Variants in B4GALT1 observed in about 807,000 individuals in gnomAD.
B4GALT1 encodes the protein beta-1,4-galactosyltransferase 1.
A neutral mutation model predicts 34.9 loss-of-function variants in B4GALT1; 16 were observed. That is an observed-to-expected ratio of 0.46 (90% CI 0.31 to 0.70). The LOEUF (loss-of-function observed/expected upper bound fraction) is 0.70. Ranked by LOEUF, B4GALT1 falls within the 30% of genes least tolerant of loss-of-function variation. The pLI is 0.05. For synonymous variants in B4GALT1, 221 were observed against 218.1 expected, an observed-to-expected ratio of 1.01 and a Z score of -0.12; for missense variants, 445 against 530.5, an observed-to-expected ratio of 0.84 and a Z score of 1.58.
At chr9:33,116,953 T>C (rs1839948830) in intron 3 of B4GALT1, among the ~76,000 whole-genome samples, 1 of 152,220 alleles carries the variant, frequency 6.6e-6, no homozygotes, top group South Asian at 2.1e-4. Flanking sequence ...GATCTTCCTC[T>C]TTCTACAACA....
intron 1 of B4GALT1, among the ~76,000 whole-genome samples, chr9:33,143,806 G>C (rs1840386542): frequency 6.6e-6 from 1 of 152,108 alleles, no homozygotes; most frequent in South Asian, 2.1e-4. Context: ...CTCTGAAAAT[G>C]TGTAACATGT....
intron 2 of B4GALT1, among the ~76,000 whole-genome samples, chr9:33,127,035 C>T (rs1280006421): frequency 6.6e-6 from 1 of 152,164 alleles, no homozygotes; most frequent in Admixed American, 6.5e-5. Flanking sequence ...GATCTCGGCT[C>T]ACTGCAAGCT....
intron 2 of B4GALT1, 125 bp downstream of exon 2, chr9:33,135,064 G>A: frequency 2.0e-6 from 2 of 1,006,532 alleles, no homozygotes; most frequent in Non-Finnish European, 3.0e-6. Flanking sequence ...TGGGGGGCTG[G>A]TTCCTCGCTG....
chr9:33,108,994 T>G (rs1277177085), downstream of B4GALT1, among the ~76,000 whole-genome samples: 1 of 152,170 alleles, frequency 6.6e-6, no homozygotes, highest in Admixed American at 6.5e-5. Context: ...CTGACAGAGC[T>G]TCTAATCCCT....
chr9:33,105,298 C>T (rs1197793620), intron 2 of B4GALT1, among the ~76,000 whole-genome samples: 1 of 152,030 alleles, frequency 6.6e-6, no homozygotes, highest in Non-Finnish European at 1.5e-5. Context: ...CACCACCACG[C>T]CTGGCTAATT....
At chr9:33,167,551 C>T (rs900527630), upstream of B4GALT1, among the ~76,000 whole-genome samples, 20 of 152,356 alleles carry the variant, frequency 1.3e-4, no homozygotes, top group African/African-American at 4.8e-4. Context: ...CGACGCTTGG[C>T]CGCGCACCGC....
chr9:33,150,862 T>C (rs906376580), intron 1 of B4GALT1, among the ~76,000 whole-genome samples: 18 of 151,870 alleles, frequency 1.2e-4, no homozygotes, highest in Admixed American at 7.9e-4. Context: ...ACCTGGGAAA[T>C]AGAAGTGGGA....
intron 1 of B4GALT1, among the ~76,000 whole-genome samples, chr9:33,164,442 C>A (rs538926050): frequency 6.6e-6 from 1 of 152,326 alleles, no homozygotes; most frequent in East Asian, 1.9e-4. Flanking sequence ...GACCTCTCGG[C>A]CCCCATTTCT....
Position 33,113,429 on chromosome 9 carries a change from G to A in B4GALT1, c.*25C>T, listed in dbSNP as rs571848514. 6.2e-7 allele frequency: 1 copy of A among 1,614,054 alleles called. No homozygotes were observed. Among genetic ancestry groups the A allele is most frequent in the South Asian group, 1.1e-5 (1 of 91,076 alleles). On this transcript the variant is annotated 3_prime_UTR_variant, in exon 6 of 6. Transcript: ENST00000379731. ...CAGCAGAGGTCCCTGGCTAATTTCA[G>A]GTCTCTTATCCGTGTACCAAAACGC...
Position 33,122,493 on chromosome 9 carries a change from T to A in B4GALT1, c.649-1887A>T, listed in dbSNP as rs540513961. On this transcript the variant is annotated intron_variant, in intron 2 of 5. Coordinates refer to ENST00000379731, the MANE Select transcript of B4GALT1 (RefSeq NM_001497.4). ...CTGCACTCCAGCCTGGGCGGCAGAG[T>A]GAGACCCCCATCTCAAAAAAATAAA... Among the ~76,000 whole-genome samples, 13 of 150,266 alleles carry A rather than the reference T, an allele frequency of 8.7e-5. No homozygotes were observed. In the East Asian group the frequency reaches 2.6e-3, roughly 30 times the overall value.
At chr9:33,174,984 AAAAAAAATATATATATATATATATAT>A in the B4GALT1 span, among the ~76,000 whole-genome samples, 5 of 14,886 alleles carry the variant, frequency 3.4e-4, no homozygotes, top group Admixed American at 2.2e-3. Context: ...AAAAAAAAAA[AAAAAAAATATATATATATATATATAT>A]ATATATATAT....
rs761423873 is a variant in B4GALT1 at position 33,166,983 on chromosome 9, C to G, written c.187G>C (p.Gly63Arg). 1 of 1,587,880 alleles carries G rather than the reference C, an allele frequency of 6.3e-7. No homozygotes were observed. The highest frequency in any genetic ancestry group is 8.5e-7 in the Non-Finnish European group (1 of 1,173,748). Residue 63 changes from glycine (G) to arginine (R), a missense_variant, in exon 1 of 6, where the codon GGC becomes CGC. Gly to Arg is a moderately radical substitution (Grantham distance 125, BLOSUM62 -2). Coordinates refer to ENST00000379731, the MANE Select transcript of B4GALT1 (RefSeq NM_001497.4). ...CCGATGGCGGCGGCACTGTTCGAGC[C>G]GCCCTGCAGCGGTGTGGAGACTCCG... ...LVGVSTPLQG[G>R]SNSAAAIGQS...
At chr9:33,163,906 A>C (rs943235835) in intron 1 of B4GALT1, among the ~76,000 whole-genome samples, 2 of 151,566 alleles carry the variant, frequency 1.3e-5, no homozygotes, top group Admixed American at 1.3e-4. Context: ...TGCATCACTC[A>C]CTCCTGCAAG....
chr9:33,144,809 G>C (rs1840401762), intron 1 of B4GALT1, among the ~76,000 whole-genome samples: 1 of 152,120 alleles, frequency 6.6e-6, no homozygotes, highest in Non-Finnish European at 1.5e-5. Context: ...TTAGAATCTT[G>C]ACGGCAGGGA....
At chr9:33,178,211 C>A in the B4GALT1 span, among the ~76,000 whole-genome samples, 35 of 151,970 alleles carry the variant, frequency 2.3e-4, no homozygotes, top group Non-Finnish European at 3.5e-4. Flanking sequence ...AGGCTGGTCT[C>A]AAACTCCTGG....
chr9:33,166,783 G>A lies in B4GALT1; in HGVS notation c.387C>T (p.Ala129=). 1.3e-6 allele frequency: 2 copies of A among 1,526,070 alleles called. No individual in the cohort carries two copies. Among genetic ancestry groups the A allele is most frequent in the Non-Finnish European group, 1.7e-6 (2 of 1,143,014 alleles). The allele number at this position is 1,526,070 out of a possible 1,614,324, so 94.5% of individuals were successfully genotyped here. ...CAAGCAGCGGGGACTCCTCAGGGCAGGCGGGCAGCGACAGTGCGGTGGTGT... is the reference window on the plus strand; with the variant it reads ...CAAGCAGCGGGGACTCCTCAGGGCAAGCGGGCAGCGACAGTGCGGTGGTGT... The part of the protein sequence containing the change: ...VPHTTALSLP[A]CPEESPLLVG... Residue 129 remains alanine (A), a synonymous_variant, in exon 1 of 6, where the codon GCC becomes GCT. Coordinates refer to ENST00000379731, the MANE Select transcript of B4GALT1 (RefSeq NM_001497.4).
intron 2 of B4GALT1, among the ~76,000 whole-genome samples, chr9:33,126,654 A>G (rs1840107373): frequency 6.6e-6 from 1 of 152,238 alleles, no homozygotes; most frequent in South Asian, 2.1e-4. Context: ...ACTATTGTTA[A>G]CCATAGCAAT....
chr9:33,142,136 C>T (rs533857708), intron 1 of B4GALT1, among the ~76,000 whole-genome samples: 1 of 152,230 alleles, frequency 6.6e-6, no homozygotes, highest in African/African-American at 2.4e-5. Flanking sequence ...GCACACACCA[C>T]CATGACCAGT....
At chr9:33,149,772 T>C (rs916146500) in intron 1 of B4GALT1, among the ~76,000 whole-genome samples, 1 of 152,172 alleles carries the variant, frequency 6.6e-6, no homozygotes, top group African/African-American at 2.4e-5. Context: ...GTGAATAACC[T>C]GAATCTGATC....
Sources: allele counts gnomAD v4.1 joint callset (sites outside exome capture counted in the v4.1 genomes callset), GRCh38; gene constraint gnomAD v4.1.1; transcripts MANE v1.5; gene names NCBI Gene and HGNC (gene_info 2026-07-23, HGNC 2026-07-21).